PLA2G4D: variants seen among roughly 807,000 people sequenced by gnomAD.
PLA2G4D encodes the protein cytosolic phospholipase A2 delta.
Under a neutral mutation model 94.4 loss-of-function variants are expected in PLA2G4D, and 80 were observed. The ratio of observed to expected loss-of-function variants is 0.85; its 90% CI spans 0.71 to 1.02. PLA2G4D has a LOEUF of 1.02. Among genes scored for constraint, PLA2G4D ranks in the 50% least tolerant of loss-of-function variants. The pLI, the probability that PLA2G4D is intolerant of heterozygous loss-of-function variation, is 0.00. For missense variants in PLA2G4D, 1,050 were observed against 1,034.7 expected (o/e 1.01, Z -0.20); for synonymous variants, 438 against 440.9 (o/e 0.99, Z 0.08).
At chr15:42,081,927 C>CTTT (rs398027016) in intron 9 of PLA2G4D, 93 bp from the exon 10 acceptor site, 9,105 of 697,260 alleles carry the variant, frequency 0.013, 5 homozygotes, top group Middle Eastern at 0.021. Context: ...CATCTTCATT[C>CTTT]TTTTTTTTTT....
Position 42,072,339 on chromosome 15 carries a change from G to T in PLA2G4D, c.1371C>A (p.Asn457Lys), listed in dbSNP as rs778496368. 1 of 1,613,772 alleles carries T rather than the reference G, an allele frequency of 6.2e-7. No individual in the cohort carries two copies. The highest frequency in any genetic ancestry group is 1.1e-5 in the South Asian group (1 of 91,066). Residue 457 changes from asparagine (N) to lysine (K), a missense_variant, in exon 14 of 20, where the codon AAC (asparagine) becomes AAA (lysine). Physicochemically the swap from Asn to Lys is moderately conservative, Grantham distance 94. Transcript: ENST00000290472. ...TGAGGCTCAAGTAGAGGGGCAGAGG[G>T]TTCTGACCCCGTTCCAGGGCGGCTC... ...GQRAALERGQNPLPLYLSLNV... is the reference protein window; with the variant it reads ...GQRAALERGQKPLPLYLSLNV...
At chr15:42,094,352 A>C (rs1177762515) in intron 1 of PLA2G4D, 63 bp downstream of exon 1, 1 of 1,586,996 alleles carries the variant, frequency 6.3e-7, no homozygotes, top group Non-Finnish European at 8.6e-7. Flanking sequence ...CACACTTCCC[A>C]GAATGCACCC....
In PLA2G4D at chr15:42,067,777, C is replaced by T. The variant is rs141568580; in HGVS notation, c.*938G>A. The T allele has an allele frequency of 1.3e-4, 20 of 152,258 alleles. No individual in the cohort carries two copies. Among genetic ancestry groups the T allele is most frequent in the African/African-American group, 4.3e-4 (18 of 41,550 alleles). 9.4% of individuals were successfully genotyped at this position (152,258 alleles called of 1,614,324 possible). ...CCTAACACCGTTTCATCATAAAACA[C>T]TCAATAAACTAGAAATAAAAGAGAA... is the stretch of plus-strand genomic sequence containing the variant. On this transcript the variant is annotated 3_prime_UTR_variant, in exon 20 of 20. Transcript: ENST00000290472.
At chr15:42,070,916 C>A (rs1217134220) in intron 17 of PLA2G4D, 33 bp from the exon 18 acceptor site, 2 of 1,595,134 alleles carry the variant, frequency 1.3e-6, no homozygotes, top group South Asian at 1.1e-5. Context: ...CAGAGGCCAC[C>A]ACCCTGCCAC....
At chr15:42,086,809 G>A (rs1010805840) in intron 3 of PLA2G4D, among the ~76,000 whole-genome samples, 4 of 152,140 alleles carry the variant, frequency 2.6e-5, no homozygotes, top group African/African-American at 4.8e-5. Context: ...CCCAGTTCGC[G>A]CCATTCAACT....
At chr15:42,075,363 C>A (rs1229809542) in intron 13 of PLA2G4D, among the ~76,000 whole-genome samples, 1 of 152,168 alleles carries the variant, frequency 6.6e-6, no homozygotes, top group Non-Finnish European at 1.5e-5. Flanking sequence ...ACAGCTTCTC[C>A]CATTCTGTAG....
chr15:42,092,043 C>CG (rs1169670332), intron 1 of PLA2G4D, among the ~76,000 whole-genome samples: 1 of 152,194 alleles, frequency 6.6e-6, no homozygotes, highest in Non-Finnish European at 1.5e-5. Context: ...AGTGGTCCCC[C>CG]GGGCCCAGCT....
chr15:42,086,194 T>TGGGGGGGGGGGGCCGC lies in PLA2G4D; in HGVS notation c.387+18_387+19insGCGGCCCCCCCCCCCC. On this transcript the variant is annotated intron_variant, in intron 4 of 19. Transcript: ENST00000290472. ...GGAAGAAGTGGGGCCCACGGGGACT[T>TGGGGGGGGGGGGCCGC]CCCCACCCACCCACCCACCTGGGGA... 7.3e-7 allele frequency: 1 copy of TGGGGGGGGGGGGCCGC among 1,370,442 alleles called. No homozygotes were observed. Among genetic ancestry groups the TGGGGGGGGGGGGCCGC allele is most frequent in the Non-Finnish European group, 9.6e-7 (1 of 1,043,082 alleles). 84.9% of individuals were successfully genotyped at this position (1,370,442 alleles called of 1,614,324 possible).
Position 42,071,357 on chromosome 15 carries a change from T to C in PLA2G4D, c.1682-40A>G, listed in dbSNP as rs779437950. On this transcript the variant is annotated intron_variant, in intron 16 of 19. Transcript: ENST00000290472. ...ACAGAAATTGGTCCCTTCTTCCCCTTACTTCTTCCCCTCAGACACCGCACA... is the reference window on the plus strand; with the variant it reads ...ACAGAAATTGGTCCCTTCTTCCCCTCACTTCTTCCCCTCAGACACCGCACA... 2.6e-5 allele frequency: 41 copies of C among 1,569,332 alleles called. No homozygotes were observed. The East Asian group carries it at 2.9e-4, about 11-fold the overall frequency.
chr15:42,067,863 G>C lies in PLA2G4D; in HGVS notation c.*852C>G, dbSNP rs1390182823. The C allele has an allele frequency of 6.6e-6, 1 of 152,238 alleles. No homozygotes were observed. Among genetic ancestry groups the C allele is most frequent in the East Asian group, 1.9e-4 (1 of 5,202 alleles). The allele number at this position is 152,238 out of a possible 1,614,324, so 9.4% of individuals were successfully genotyped here. On this transcript the variant is annotated 3_prime_UTR_variant, in exon 20 of 20. Transcript: ENST00000290472. ...CACAGCTAAAATCACACTAAATGGT[G>C]AGAGACTTATGCTTTCTTGTCAGAG...
At chr15:42,071,634 G>A (rs1006650791) in intron 15 of PLA2G4D, 83 bp from the exon 16 acceptor site, 5 of 1,494,414 alleles carry the variant, frequency 3.3e-6, no homozygotes, top group Admixed American at 3.6e-5. Flanking sequence ...GGAGTGGGGC[G>A]AGGGCTACCC....
At chr15:42,085,239 C>A (rs904448022) in intron 5 of PLA2G4D, 101 bp from the exon 6 acceptor site, 144 of 1,406,476 alleles carry the variant, frequency 1.0e-4, no homozygotes, top group Admixed American at 2.6e-4. Context: ...CTCTGTAAGT[C>A]CTGGATTCGG....
At chr15:42,093,786 G>A (rs1056217566) in intron 1 of PLA2G4D, among the ~76,000 whole-genome samples, 11 of 152,218 alleles carry the variant, frequency 7.2e-5, no homozygotes, top group Non-Finnish European at 1.3e-4. Flanking sequence ...CAGTGACCTT[G>A]ACACACTTAG....
At position 42,083,191 on chromosome 15, in the gene PLA2G4D, G is replaced by A. The variant is rs375768641; in HGVS notation, c.672+7C>T. The A allele has an allele frequency of 1.9e-6, 3 of 1,612,404 alleles. No homozygotes were observed. In the African/African-American group the frequency reaches 4.0e-5, roughly 22 times the overall value. ...GATTGCAAACGAGGTCTAGAGCCAA[G>A]ACCCACCCTCAGGCGCCCGCTCAGC... On this transcript the variant is annotated splice_region_variant and intron_variant, in intron 8 of 19. Coordinates refer to ENST00000290472, the MANE Select transcript of PLA2G4D (RefSeq NM_178034.4).
At position 42,071,564 on chromosome 15, in the gene PLA2G4D, A is replaced by G. The variant is rs1889818826; in HGVS notation, c.1574-13T>C. 2 of 1,604,880 alleles carry G rather than the reference A, an allele frequency of 1.2e-6. No individual in the cohort carries two copies. The highest frequency in any genetic ancestry group is 1.7e-6 in the Non-Finnish European group (2 of 1,173,058). On this transcript the variant is annotated splice_polypyrimidine_tract_variant and intron_variant, in intron 15 of 19. Coordinates refer to ENST00000290472, the MANE Select transcript of PLA2G4D (RefSeq NM_178034.4). ...TTGCTCCAGATGGCTGAGGAACACC[A>G]AAAGAGATCAGCCTCAGGCCCCAGC...
intron 1 of PLA2G4D, among the ~76,000 whole-genome samples, chr15:42,087,958 C>T (rs541187428): frequency 2.0e-5 from 3 of 152,324 alleles, no homozygotes; most frequent in Non-Finnish European, 2.9e-5. Flanking sequence ...CCTTCCCCTT[C>T]GGGAACAGAG....
At chr15:42,091,511 C>T (rs746717236) in intron 1 of PLA2G4D, among the ~76,000 whole-genome samples, 9 of 152,186 alleles carry the variant, frequency 5.9e-5, no homozygotes, top group African/African-American at 1.7e-4. Context: ...TGTTGCCAGG[C>T]GGACCATGGT....
chr15:42,090,370 T>C (rs886794991), intron 1 of PLA2G4D, among the ~76,000 whole-genome samples: 1 of 152,230 alleles, frequency 6.6e-6, no homozygotes, highest in Non-Finnish European at 1.5e-5. Flanking sequence ...GAAATCACTT[T>C]TGTCAGACCC....
At chr15:42,093,727 A>G (rs1030393850) in intron 1 of PLA2G4D, among the ~76,000 whole-genome samples, 13 of 152,194 alleles carry the variant, frequency 8.5e-5, no homozygotes, top group African/African-American at 3.1e-4. Context: ...TCAGGGCCAC[A>G]GCTCTAGAAG....
Sources: allele counts gnomAD v4.1 joint callset (sites outside exome capture counted in the v4.1 genomes callset), GRCh38; gene constraint gnomAD v4.1.1; transcripts MANE v1.5; gene names NCBI Gene and HGNC (gene_info 2026-07-23, HGNC 2026-07-21).